TRAPPC8: variants seen among roughly 807,000 people sequenced by gnomAD.
TRAPPC8 encodes general sporulation gene 1 homolog.
A neutral mutation model predicts 174.3 loss-of-function variants in TRAPPC8; 54 were observed. That is an observed-to-expected ratio of 0.31 (90% confidence interval 0.25 to 0.39). TRAPPC8 has a LOEUF of 0.39. Ranked by LOEUF, TRAPPC8 falls within the 10% of genes least tolerant of loss-of-function variation. The pLI is 1.00. For synonymous variants in TRAPPC8, 630 were observed against 579.9 expected, an observed-to-expected ratio of 1.09 and a Z score of -1.24; for missense variants, 1,531 against 1,699.1, an observed-to-expected ratio of 0.90 and a Z score of 1.74.
rs868395900 is a variant in TRAPPC8, at chr18:31,901,019, C to T, written c.1396G>A (p.Ala466Thr). Residue 466 changes from alanine (A) to threonine (T), a missense_variant, in exon 10 of 29, where the codon GCA becomes ACA. Physicochemically the swap from Ala to Thr is moderately conservative, Grantham distance 58. Coordinates refer to ENST00000283351, the MANE Select transcript of TRAPPC8 (RefSeq NM_014939.5). ...GGTTGAAGAAAAGCAGACACTGCTG[C>T]CATTTCCTAAAATAAAAGACATAGT... is the stretch of plus-strand genomic sequence containing the variant. ...MLYAAGALEM[A>T]AVSAFLQPGA... The T allele has an allele frequency of 3.2e-6, 5 of 1,584,768 alleles. No homozygotes were observed. In the South Asian group the frequency reaches 3.5e-5, roughly 11 times the overall value.
At chr18:31,919,495 T>C (rs1446218377) in intron 2 of TRAPPC8, among the ~76,000 whole-genome samples, 1 of 150,756 alleles carries the variant, frequency 6.6e-6, no homozygotes, top group Admixed American at 6.6e-5. Flanking sequence ...ATGGCGTCAC[T>C]GTACTCCAGC....
At chr18:31,913,556 A>G in intron 4 of TRAPPC8, 34 bp from the exon 5 acceptor site, 1 of 1,529,284 alleles carries the variant, frequency 6.5e-7, no homozygotes, top group Non-Finnish European at 8.8e-7. Context: ...TCTGAAGTAA[A>G]AGAGGAGCAG....
intron 2 of TRAPPC8, among the ~76,000 whole-genome samples, chr18:31,918,816 A>G (rs1347195871): frequency 6.6e-6 from 1 of 152,186 alleles, no homozygotes; most frequent in Non-Finnish European, 1.5e-5. Context: ...TTTGTATCAC[A>G]ATTATTCTTT....
intron 4 of TRAPPC8, among the ~76,000 whole-genome samples, chr18:31,915,720 T>TA (rs201705465): frequency 0.25 from 37,956 of 150,948 alleles, 5,282 homozygotes; most frequent in South Asian, 0.52. Flanking sequence ...CCGTCTCTAC[T>TA]AAAAAAAATA....
Position 31,857,937 on chromosome 18 carries a change from G to T in TRAPPC8, c.2791C>A (p.Arg931=). ...FPTGLLCGEI[R]KAYVEFVNVS... is the part of the protein sequence containing the mutation. ...TTGACAAATTCTACATATGCTTTTC[G>T]GATTTCTCCACAGAGAAGCCCTGTA... The change falls in exon 20 of 29, where the codon CGA becomes AGA. Residue 931 remains arginine (R), a synonymous_variant. Transcript: ENST00000283351. 1 of 1,613,622 alleles carries T rather than the reference G, an allele frequency of 6.2e-7. No individual in the cohort carries two copies. The highest frequency in any genetic ancestry group is 8.5e-7 in the Non-Finnish European group (1 of 1,179,774).
chr18:31,831,047 A>G, intron 28 of TRAPPC8, 58 bp from the exon 29 acceptor site: 4 of 1,468,288 alleles, frequency 2.7e-6, no homozygotes, highest in Non-Finnish European at 3.7e-6. Flanking sequence ...TTTTTTCCCA[A>G]AGTCACATTA....
At chr18:31,890,079 C>T (rs1013891692) in intron 12 of TRAPPC8, among the ~76,000 whole-genome samples, 6 of 152,156 alleles carry the variant, frequency 3.9e-5, no homozygotes, top group African/African-American at 1.4e-4. Context: ...GAATGTTCAG[C>T]TCCTAGTATA....
intron 1 of TRAPPC8, among the ~76,000 whole-genome samples, chr18:31,941,578 G>GT (rs889454223): frequency 2.0e-5 from 3 of 151,978 alleles, no homozygotes; most frequent in African/African-American, 7.3e-5. Flanking sequence ...TCCAAACTTT[G>GT]TTTTTTTGGA....
rs1013191972 is a variant in TRAPPC8 at position 31,931,239 on chromosome 18, T to C, written c.352+90A>G. The C allele has an allele frequency of 3.2e-6, 4 of 1,237,702 alleles. No individual in the cohort carries two copies. In the African/African-American group the frequency reaches 6.1e-5, roughly 19 times the overall value. The allele number at this position is 1,237,702 out of a possible 1,614,324, so 76.7% of individuals were successfully genotyped here. A position where few individuals can be genotyped will look rare whatever the true frequency, so the allele number is the denominator to read the frequency against. ...CCCTAGCACTTAGTAAACTCTTAAATACATGTTGATCATCTCCCAAGTCAT... is the reference window on the plus strand; with the variant it reads ...CCCTAGCACTTAGTAAACTCTTAAACACATGTTGATCATCTCCCAAGTCAT... On this transcript the variant is annotated intron_variant, in intron 2 of 28. Coordinates refer to ENST00000283351, the MANE Select transcript of TRAPPC8 (RefSeq NM_014939.5).
rs758370136 is a variant in TRAPPC8, at chr18:31,867,491, TC to T, written c.2389-16del. On this transcript the variant is annotated splice_polypyrimidine_tract_variant and intron_variant, in intron 16 of 28. Coordinates refer to ENST00000283351, the MANE Select transcript of TRAPPC8 (RefSeq NM_014939.5). ...TCACTTGTAACCTAAAAAATAAATT[TC>T]ATAAATTATACATTCCAATGAACAA... 1 of 1,537,048 alleles carries T rather than the reference TC, an allele frequency of 6.5e-7. No homozygotes were observed.
chr18:31,841,537 A>C (rs2033101305), intron 26 of TRAPPC8, among the ~76,000 whole-genome samples: 1 of 151,080 alleles, frequency 6.6e-6, no homozygotes, highest in South Asian at 2.1e-4. Context: ...CAGAAACGTT[A>C]AAAAAAAACT....
At chr18:31,908,231 G>T in intron 8 of TRAPPC8, 72 bp downstream of exon 8, 2 of 817,138 alleles carry the variant, frequency 2.4e-6, no homozygotes, top group Non-Finnish European at 3.6e-6. Flanking sequence ...GTTATCTTCT[G>T]CAGGATATAC....
chr18:31,853,857 T>C lies in TRAPPC8; in HGVS notation c.3425A>G (p.Glu1142Gly). 6.2e-7 allele frequency: 1 copy of C among 1,604,306 alleles called. No individual in the cohort carries two copies. ...AGGAAAAACAAACAAACCTTTGTTT[T>C]CAGAAAGATTTACAGATTTCTGTAA... ...WKLQKSVNLSENKDTKLASRE... is the reference protein window; with the variant it reads ...WKLQKSVNLSGNKDTKLASRE... The change falls in exon 22 of 29, where the codon GAA becomes GGA. Residue 1142 changes from glutamate (E) to glycine (G), a missense_variant. Transcript: ENST00000283351.
At chr18:31,860,385 T>C (rs1369593916) in intron 19 of TRAPPC8, among the ~76,000 whole-genome samples, 1 of 152,134 alleles carries the variant, frequency 6.6e-6, no homozygotes. Context: ...AAAAAAAGAT[T>C]TAGGGGGAAA....
rs1598682780 is a variant in TRAPPC8 at position 31,890,729 on chromosome 18, A to G, written c.1728+6T>C. On this transcript the variant is annotated splice_donor_region_variant and intron_variant, in intron 12 of 28. Transcript: ENST00000283351. ...CAACTTTTCATTGTAAAGCAAATGC[A>G]CTCACCTGCCCTGCTTTACTAAATC... 1 of 1,605,156 alleles carries G rather than the reference A, an allele frequency of 6.2e-7. No homozygotes were observed.
In TRAPPC8 at chr18:31,942,723, G is replaced by A. The variant is rs1263930336; in HGVS notation, c.42C>T (p.Asp14=). Residue 14 remains aspartate, a synonymous_variant, in exon 1 of 29, where the codon GAC becomes GAT. Coordinates refer to ENST00000283351, the MANE Select transcript of TRAPPC8 (RefSeq NM_014939.5). ...CVQSVQELIP[D]SFVPCVAALC... Reference sequence around the variant, plus strand: ...GCGCAGCGACACAGGGGACGAAGGAGTCCGGGATTAGCTCCTGCACTGATT... The same window carrying A: ...GCGCAGCGACACAGGGGACGAAGGAATCCGGGATTAGCTCCTGCACTGATT... 1.9e-6 allele frequency: 3 copies of A among 1,605,740 alleles called. No individual in the cohort carries two copies. The highest frequency in any genetic ancestry group is 2.5e-6 in the Non-Finnish European group (3 of 1,176,500).
At chr18:31,929,837 C>T (rs1273794247) in intron 2 of TRAPPC8, among the ~76,000 whole-genome samples, 5 of 152,168 alleles carry the variant, frequency 3.3e-5, no homozygotes, top group Non-Finnish European at 5.9e-5. Flanking sequence ...CTATTCCTTT[C>T]TCCAAGAAAT....
At chr18:31,911,381 G>A (rs1227147323) in intron 5 of TRAPPC8, among the ~76,000 whole-genome samples, 3 of 151,558 alleles carry the variant, frequency 2.0e-5, no homozygotes, top group Non-Finnish European at 4.4e-5. Context: ...AACCCAGGAG[G>A]TGGAGGTTGC....
chr18:31,919,674 T>C lies in TRAPPC8; in HGVS notation c.353-2007A>G, dbSNP rs1240319607. Among the ~76,000 whole-genome samples the C allele has an allele frequency of 2.6e-5, 4 of 151,682 alleles. No homozygotes were observed. In the East Asian group the frequency reaches 7.7e-4, roughly 29 times the overall value. ...GAGTTTGAGACCAGCCTGGGATACA[T>C]GGCGAAACCCCATCTCTACTAAAAG... On this transcript the variant is annotated intron_variant, in intron 2 of 28. Coordinates refer to ENST00000283351, the MANE Select transcript of TRAPPC8 (RefSeq NM_014939.5).
Sources: gnomAD v4.1 joint callset for allele counts (sites outside exome capture counted in the v4.1 genomes callset) on GRCh38, gnomAD v4.1.1 for gene constraint, MANE v1.5 for transcripts, NCBI Gene and HGNC (gene_info 2026-07-23, HGNC 2026-07-21) for gene names.